The following PDE3A variants were observed in gnomAD, a reference collection of about 807,000 sequenced individuals.
PDE3A encodes the protein cGMP-inhibited 3',5'-cyclic phosphodiesterase 3A.
Under a neutral mutation model 98.3 loss-of-function variants are expected in PDE3A, and 43 were observed. The ratio of observed to expected loss-of-function variants is 0.44; its 90% CI spans 0.34 to 0.56. The LOEUF (loss-of-function observed/expected upper bound fraction) is 0.56. Among genes scored for constraint, PDE3A ranks in the 20% least tolerant of loss-of-function variants. PDE3A has a pLI of 0.01. For missense variants in PDE3A, 1,427 were observed against 1,440.7 expected (o/e 0.99, Z 0.15); for synonymous variants, 663 against 567.9 (o/e 1.17, Z -2.38).
intron 10 of PDE3A, among the ~76,000 whole-genome samples, chr12:20,644,008 C>A (rs1454269631): frequency 2.6e-5 from 4 of 152,086 alleles, no homozygotes; most frequent in African/African-American, 7.2e-5. Context: ...TGCCCCCCAT[C>A]CACCTCCGTA....
chr12:20,654,337 G>A, intron 15 of PDE3A, 132 bp downstream of exon 15: 1 of 740,244 alleles, frequency 1.4e-6, no homozygotes, highest in East Asian at 2.7e-5. Context: ...ACTACGGATA[G>A]CTCCCTTCCC....
rs533878454 is a variant in PDE3A at position 20,587,232 on chromosome 12, G to C, written c.1012-26211G>C. Among the ~76,000 whole-genome samples, 5 of 152,262 alleles carry C rather than the reference G, an allele frequency of 3.3e-5. No homozygotes were observed. The South Asian group carries it at 8.3e-4, about 25-fold the overall frequency. ...AAAATACAAAAATTAGCCAGGCGAG[G>C]TGGTTGCGTGCCTGTAATCCCAGCT... On this transcript the variant is annotated intron_variant, in intron 2 of 15. Coordinates refer to ENST00000359062, the MANE Select transcript of PDE3A (RefSeq NM_000921.5).
At chr12:20,571,470 C>G (rs1412146241) in intron 2 of PDE3A, among the ~76,000 whole-genome samples, 3 of 152,136 alleles carry the variant, frequency 2.0e-5, no homozygotes, top group African/African-American at 7.2e-5. Context: ...CATACATGAT[C>G]CTTTTAAGCC....
chr12:20,532,673 A>G (rs1046174302), intron 1 of PDE3A, among the ~76,000 whole-genome samples: 2 of 144,928 alleles, frequency 1.4e-5, no homozygotes, highest in Non-Finnish European at 3.0e-5. Context: ...GTTTTTGTGT[A>G]TTAGTTTCTC....
chr12:20,605,012 C>T (rs575570789), intron 2 of PDE3A, among the ~76,000 whole-genome samples: 55 of 152,070 alleles, frequency 3.6e-4, no homozygotes, highest in Admixed American at 7.2e-4. Context: ...GTTGTATCTC[C>T]CCTACTTAAA....
intron 1 of PDE3A, among the ~76,000 whole-genome samples, chr12:20,431,506 T>C (rs1463715833): frequency 6.6e-6 from 1 of 152,082 alleles, no homozygotes; most frequent in Non-Finnish European, 1.5e-5. Context: ...GATGGGGGCA[T>C]TTAAGTTATT....
At chr12:20,487,368 A>T (rs1945746897) in intron 1 of PDE3A, among the ~76,000 whole-genome samples, 1 of 151,952 alleles carries the variant, frequency 6.6e-6, no homozygotes, top group African/African-American at 2.4e-5. Context: ...ATGAATTTAC[A>T]AAAAGGTGCA....
At chr12:20,588,043 T>A (rs919158348) in intron 2 of PDE3A, among the ~76,000 whole-genome samples, 1 of 152,216 alleles carries the variant, frequency 6.6e-6, no homozygotes, top group African/African-American at 2.4e-5. Flanking sequence ...GCTACTTTGC[T>A]CCTTTCCTTC....
intron 1 of PDE3A, among the ~76,000 whole-genome samples, chr12:20,486,428 C>T (rs1945729183): frequency 6.6e-6 from 1 of 152,140 alleles, no homozygotes; most frequent in Non-Finnish European, 1.5e-5. Flanking sequence ...TCCCTTGACA[C>T]ATCGGAATCA....
chr12:20,524,898 A>T (rs1346830182), intron 1 of PDE3A, among the ~76,000 whole-genome samples: 1 of 151,904 alleles, frequency 6.6e-6, no homozygotes, highest in Non-Finnish European at 1.5e-5. Context: ...ACTTTGGGAG[A>T]CTGAGGCGGG....
chr12:20,428,482 C>T (rs1944639393), intron 1 of PDE3A, among the ~76,000 whole-genome samples: 1 of 152,112 alleles, frequency 6.6e-6, no homozygotes, highest in South Asian at 2.1e-4. Flanking sequence ...GGGGTTTCAC[C>T]GTGTTTGCCA....
intron 1 of PDE3A, among the ~76,000 whole-genome samples, chr12:20,542,877 G>A (rs1261399285): frequency 6.6e-6 from 1 of 152,010 alleles, no homozygotes; most frequent in East Asian, 1.9e-4. Flanking sequence ...GGCATGGTAT[G>A]AATGAAACCT....
At chr12:20,430,776 G>T (rs947889348) in intron 1 of PDE3A, among the ~76,000 whole-genome samples, 3 of 152,164 alleles carry the variant, frequency 2.0e-5, no homozygotes, top group Non-Finnish European at 4.4e-5. Context: ...CACTTTTAGT[G>T]TATATAAACA....
chr12:20,537,290 A>G (rs926301531), intron 1 of PDE3A, among the ~76,000 whole-genome samples: 2 of 152,064 alleles, frequency 1.3e-5, no homozygotes, highest in Non-Finnish European at 2.9e-5. Context: ...TGTATTTCAT[A>G]TACAAGCTTT....
rs564280309 is a variant in PDE3A, at chr12:20,511,087, A to G, written c.961-45573A>G. ...CTGAGTCAAAAATAGGATCTGCTTG[A>G]CTAGGTGTTGCCAGTTTGGGGAAAA... On this transcript the variant is annotated intron_variant, in intron 1 of 15. Transcript: ENST00000359062. Among the ~76,000 whole-genome samples the G allele has an allele frequency of 1.1e-4, 17 of 152,132 alleles. No homozygotes were observed. In the South Asian group the frequency reaches 2.3e-3, roughly 20 times the overall value.
At chr12:20,538,077 T>G (rs921317969) in intron 1 of PDE3A, among the ~76,000 whole-genome samples, 2 of 152,186 alleles carry the variant, frequency 1.3e-5, no homozygotes, top group Non-Finnish European at 2.9e-5. Context: ...CAGAGAAAAT[T>G]CAAAGTCAGC....
intron 1 of PDE3A, among the ~76,000 whole-genome samples, chr12:20,438,991 C>T (rs1944824138): frequency 6.6e-6 from 1 of 152,012 alleles, no homozygotes; most frequent in Non-Finnish European, 1.5e-5. Flanking sequence ...GACGGGGTTT[C>T]ACCATGTTGG....
intron 11 of PDE3A, 40 bp downstream of exon 11, chr12:20,646,643 G>A (rs1412739527): frequency 7.2e-7 from 1 of 1,391,104 alleles, no homozygotes; most frequent in Non-Finnish European, 1.0e-6. Flanking sequence ...ATGAAAGATG[G>A]GAACAAGGGT....
intron 6 of PDE3A, among the ~76,000 whole-genome samples, chr12:20,631,700 ATTTTTT>A (rs58133440): frequency 9.0e-4 from 105 of 116,882 alleles, no homozygotes; most frequent in African/African-American, 2.9e-3. Flanking sequence ...ATCATAGTGT[ATTTTTT>A]TTTTTTTTTT....
Sources: allele counts gnomAD v4.1 joint callset (sites outside exome capture counted in the v4.1 genomes callset), GRCh38; gene constraint gnomAD v4.1.1; transcripts MANE v1.5; gene names NCBI Gene and HGNC (gene_info 2026-07-23, HGNC 2026-07-21).